The following PARD3 variants were observed in gnomAD, a reference collection of about 807,000 sequenced individuals.
PARD3 encodes partitioning defective 3 homolog.
Under a neutral mutation model 155.4 loss-of-function variants are expected in PARD3, and 75 were observed. The ratio of observed to expected loss-of-function variants is 0.48; its 90% CI spans 0.40 to 0.58. The LOEUF is 0.58. Ranked by LOEUF, PARD3 falls within the 20% of genes least tolerant of loss-of-function variation. PARD3 has a pLI of 0.00. For missense variants in PARD3, 1,642 were observed against 1,721.7 expected, an observed-to-expected ratio of 0.95 and a Z score of 0.82; for synonymous variants, 576 against 610.5, an observed-to-expected ratio of 0.94 and a Z score of 0.83.
chr10:34,304,322 C>T (rs1396152233), intron 20 of PARD3, among the ~76,000 whole-genome samples: 2 of 150,434 alleles, frequency 1.3e-5, no homozygotes, highest in East Asian at 1.9e-4. Context: ...AAAGTGAGTC[C>T]CCATCTCTAC....
chr10:34,279,897 C>T (rs1336434848), intron 21 of PARD3, among the ~76,000 whole-genome samples: 3 of 152,154 alleles, frequency 2.0e-5, no homozygotes, highest in Admixed American at 1.3e-4. Flanking sequence ...TCCTTCTATA[C>T]TGGGAGGATT....
intron 22 of PARD3, among the ~76,000 whole-genome samples, chr10:34,141,776 A>G (rs1271484517): frequency 1.3e-5 from 2 of 152,174 alleles, no homozygotes; most frequent in African/African-American, 4.8e-5. Context: ...GCAAGCGCAA[A>G]GACATACATA....
intron 24 of PARD3, among the ~76,000 whole-genome samples, chr10:34,115,853 C>G (rs10763969): frequency 0.24 from 35,895 of 151,676 alleles, 4,421 homozygotes; most frequent in Middle Eastern, 0.32. Flanking sequence ...GCTGGGACTA[C>G]ACGCGCCCAC....
At chr10:34,685,993 C>G (rs2093950106) in intron 2 of PARD3, among the ~76,000 whole-genome samples, 1 of 152,172 alleles carries the variant, frequency 6.6e-6, no homozygotes, top group South Asian at 2.1e-4. Context: ...CAACTCATCC[C>G]ATTTTTGCAT....
intron 1 of PARD3, among the ~76,000 whole-genome samples, chr10:34,723,934 C>T (rs1025075210): frequency 5.9e-5 from 9 of 151,738 alleles, no homozygotes; most frequent in African/African-American, 1.9e-4. Flanking sequence ...TTTGAGTTCT[C>T]GTCTACACTT....
intron 1 of PARD3, among the ~76,000 whole-genome samples, chr10:34,757,791 G>A (rs1360367191): frequency 6.6e-6 from 1 of 152,108 alleles, no homozygotes; most frequent in East Asian, 1.9e-4. Flanking sequence ...CAGGATTCTG[G>A]TCCCCAGTTA....
chr10:34,701,984 G>A (rs1445516652), intron 1 of PARD3, among the ~76,000 whole-genome samples: 1 of 152,062 alleles, frequency 6.6e-6, no homozygotes, highest in East Asian at 1.9e-4. Context: ...CCAACATGGT[G>A]AAAGCAAGTC....
intron 2 of PARD3, among the ~76,000 whole-genome samples, chr10:34,655,723 A>C (rs1401738693): frequency 6.6e-6 from 1 of 152,214 alleles, no homozygotes; most frequent in Non-Finnish European, 1.5e-5. Flanking sequence ...CTGTTTAACC[A>C]AGAGCCTGGA....
chr10:34,549,961 G>T (rs961946030), intron 2 of PARD3, among the ~76,000 whole-genome samples: 3 of 152,006 alleles, frequency 2.0e-5, no homozygotes, highest in Non-Finnish European at 2.9e-5. Context: ...AAACCATCCA[G>T]CATACAAATG....
At chr10:34,814,173 A>C in intron 1 of PARD3, among the ~76,000 whole-genome samples, 1 of 152,218 alleles carries the variant, frequency 6.6e-6, no homozygotes, top group East Asian at 1.9e-4. Context: ...GAGCCCAGCA[A>C]GTGGGATCAG....
chr10:34,324,327 A>G lies in PARD3; in HGVS notation c.2833+6790T>C, dbSNP rs114524787. 6.1e-3 allele frequency among the ~76,000 whole-genome samples: 932 copies of G among 152,330 alleles called. 7 individuals are homozygous for G. The highest frequency in any genetic ancestry group is 0.021 in the African/African-American group (862 of 41,580). On this transcript the variant is annotated intron_variant, in intron 19 of 24. Transcript: ENST00000374788. ...AAAATTTCCTGATGTTAAAAAAATA[A>G]TTTATACTAAAAAGTCTCGGATGCA...
At chr10:34,300,985 G>C (rs1459057511) in intron 20 of PARD3, among the ~76,000 whole-genome samples, 1 of 152,042 alleles carries the variant, frequency 6.6e-6, no homozygotes, top group Non-Finnish European at 1.5e-5. Context: ...TATCCTAATA[G>C]CTACAATCCT....
At chr10:34,234,908 G>A (rs555763671) in intron 22 of PARD3, among the ~76,000 whole-genome samples, 9 of 152,220 alleles carry the variant, frequency 5.9e-5, no homozygotes, top group South Asian at 2.1e-4. Context: ...GATTTTGCAA[G>A]GCAAATTGAT....
At chr10:34,766,837 C>T (rs1838166668) in intron 1 of PARD3, among the ~76,000 whole-genome samples, 1 of 152,088 alleles carries the variant, frequency 6.6e-6, no homozygotes, top group African/African-American at 2.4e-5. Flanking sequence ...CAGTGACTTT[C>T]GGAGGCTCAA....
intron 2 of PARD3, among the ~76,000 whole-genome samples, chr10:34,560,423 G>A (rs1029152096): frequency 1.3e-5 from 2 of 151,998 alleles, no homozygotes; most frequent in Admixed American, 6.6e-5. Flanking sequence ...AATATTTGAC[G>A]AGTTCAGGGG....
chr10:34,579,576 G>GTGTGTGTGTA (rs1284850866), intron 2 of PARD3, among the ~76,000 whole-genome samples: 18 of 151,714 alleles, frequency 1.2e-4, no homozygotes, highest in South Asian at 6.3e-4. Flanking sequence ...GTGTGTGTGT[G>GTGTGTGTGTA]TGTGTGTGTG....
rs1400754366 is a variant in PARD3 at position 34,408,939 on chromosome 10, C to T, written c.715-7022G>A. 4.6e-5 allele frequency among the ~76,000 whole-genome samples: 7 copies of T among 152,102 alleles called. No homozygotes were observed. The East Asian group carries it at 1.4e-3, about 29-fold the overall frequency. On this transcript the variant is annotated intron_variant, in intron 5 of 24. Transcript: ENST00000374788. The stretch of plus-strand genomic sequence containing the variant: ...CAGCTGTTACAGTTTTAGACAAAGT[C>T]CAGTTCCTTATAATATAAACTATGC...
chr10:34,321,984 G>A (rs1489690364), intron 19 of PARD3, among the ~76,000 whole-genome samples: 1 of 152,014 alleles, frequency 6.6e-6, no homozygotes, highest in Non-Finnish European at 1.5e-5. Flanking sequence ...GAGAAGTGAT[G>A]CTACTGTTGA....
chr10:34,194,612 C>CTT (rs34506915), intron 22 of PARD3, among the ~76,000 whole-genome samples: 1 of 120,988 alleles, frequency 8.3e-6, no homozygotes, highest in Non-Finnish European at 1.7e-5. Flanking sequence ...TATGCCAAAG[C>CTT]TTTTTTTTTT....
Sources: allele counts gnomAD v4.1 joint callset (sites outside exome capture counted in the v4.1 genomes callset), GRCh38; gene constraint gnomAD v4.1.1; transcripts MANE v1.5; gene names NCBI Gene and HGNC (gene_info 2026-07-23, HGNC 2026-07-21).